Variants in HAAO observed in about 807,000 individuals in gnomAD.
The protein encoded by HAAO is 3-hydroxyanthranilate 3,4-dioxygenase.
In HAAO, 49 loss-of-function variants were observed where a neutral mutation model predicts 46.2. The ratio of observed to expected loss-of-function variants is 1.06; its 90% CI spans 0.84 to 1.34. HAAO has a LOEUF of 1.34. Among genes scored for constraint, HAAO ranks in the 40% most tolerant of loss-of-function variants. HAAO has a pLI of 0.00. For synonymous variants in HAAO, 157 were observed against 145.2 expected (o/e 1.08, Z -0.58); for missense variants, 408 against 364.5 (o/e 1.12, Z -0.97).
At chr2:42,792,049 T>A (rs1170610215) in intron 1 of HAAO, among the ~76,000 whole-genome samples, 1 of 152,076 alleles carries the variant, frequency 6.6e-6, no homozygotes, top group Non-Finnish European at 1.5e-5. Context: ...GGGACAGGGT[T>A]GGGGTGTATG....
intron 7 of HAAO, 80 bp from the exon 8 acceptor site, chr2:42,768,008 AG>A (rs1670801763): frequency 7.9e-7 from 1 of 1,268,886 alleles, no homozygotes; most frequent in African/African-American, 1.5e-5. Flanking sequence ...CCCAGACACC[AG>A]GCCTGCTTGG....
chr2:42,775,244 T>C (rs1237712324), intron 4 of HAAO, among the ~76,000 whole-genome samples: 2 of 85,890 alleles, frequency 2.3e-5, no homozygotes, highest in African/African-American at 6.3e-5. Context: ...AAGACTGTCA[T>C]GGAAAAAAAA....
Position 42,783,356 on chromosome 2 carries a change from A to G in HAAO, c.308T>C (p.Val103Ala), listed in dbSNP as rs772460775. ...GGTCTCCAGCCGCCTTCGCTCAACC[A>G]CCAGCCCCACGGTGTTGGCAAACCT... is the stretch of plus-strand genomic sequence containing the variant. ...PQRFANTVGL[V>A]VERRRLETEL... Residue 103 changes from valine to alanine, a missense_variant, in exon 4 of 10, where the codon GTG (valine) becomes GCG (alanine). Coordinates refer to ENST00000294973, the MANE Select transcript of HAAO (RefSeq NM_012205.3). 8 of 1,613,042 alleles carry G rather than the reference A, an allele frequency of 5.0e-6. No individual in the cohort carries two copies. In the African/African-American group the frequency reaches 5.3e-5, roughly 11 times the overall value.
At chr2:42,774,659 C>A (rs533257103) in intron 4 of HAAO, among the ~76,000 whole-genome samples, 1 of 152,100 alleles carries the variant, frequency 6.6e-6, no homozygotes, top group Non-Finnish European at 1.5e-5. Flanking sequence ...AGACCCATCC[C>A]TAGGTAAGTA....
In HAAO at chr2:42,783,212, G is replaced by A. The variant is rs551296452; in HGVS notation, c.350+102C>T. ...CTCCTGCCCACTCAGTGGCCAGGAC[G>A]TGCTTTCTTGAGTCTATCTAGGATC... On this transcript the variant is annotated intron_variant, in intron 4 of 9. Transcript: ENST00000294973. 1.3e-4 allele frequency: 90 copies of A among 694,548 alleles called. No homozygotes were observed. The East Asian group carries it at 1.8e-3, about 14-fold the overall frequency. The allele number at this position is 694,548 out of a possible 1,614,324, so 43.0% of individuals were successfully genotyped here. A position where few individuals can be genotyped will look rare whatever the true frequency, so the allele number is the denominator to read the frequency against.
At chr2:42,786,090 AG>A (rs1157863362) in intron 2 of HAAO, among the ~76,000 whole-genome samples, 1 of 141,032 alleles carries the variant, frequency 7.1e-6, no homozygotes, top group Non-Finnish European at 1.5e-5. Flanking sequence ...TTTCACAGTG[AG>A]GGAAGGGAGG....
chr2:42,786,765 C>T (rs892367595), intron 2 of HAAO, among the ~76,000 whole-genome samples: 1 of 152,118 alleles, frequency 6.6e-6, no homozygotes, highest in Admixed American at 6.5e-5. Context: ...AGTGGGGAGC[C>T]GGGCCAGGGA....
intron 3 of HAAO, 60 bp from the exon 4 acceptor site, chr2:42,783,480 C>A: frequency 9.3e-7 from 1 of 1,072,460 alleles, no homozygotes; most frequent in Non-Finnish European, 1.4e-6. Context: ...GACCTTAGCG[C>A]CCCCAACATC....
At chr2:42,787,522 C>T (rs1167806977) in intron 2 of HAAO, among the ~76,000 whole-genome samples, 1 of 152,134 alleles carries the variant, frequency 6.6e-6, no homozygotes, top group East Asian at 1.9e-4. Context: ...GTGCAGGGCC[C>T]CTGGAGCGTG....
intron 4 of HAAO, among the ~76,000 whole-genome samples, chr2:42,779,150 T>A (rs1268247041): frequency 1.3e-5 from 2 of 152,108 alleles, no homozygotes; most frequent in African/African-American, 4.8e-5. Context: ...TCTCTATAAA[T>A]TAGTCATTAA....
At position 42,792,541 on chromosome 2, in the gene HAAO, G is replaced by A. The variant is rs1672885319; in HGVS notation, c.-5C>T. 3.9e-6 allele frequency: 6 copies of A among 1,555,318 alleles called. No individual in the cohort carries two copies. The highest frequency in any genetic ancestry group is 1.2e-5 in the South Asian group (1 of 84,694). On this transcript the variant is annotated 5_prime_UTR_variant, in exon 1 of 10. Coordinates refer to ENST00000294973, the MANE Select transcript of HAAO (RefSeq NM_012205.3). Reference sequence around the variant, plus strand: ...CACTCCCAGGCGGCGCTCCATGACTGTCCCGGGCGCCTCCTCGCAGCGCTG... The same window carrying A: ...CACTCCCAGGCGGCGCTCCATGACTATCCCGGGCGCCTCCTCGCAGCGCTG...
At chr2:42,792,043 C>T (rs1672845319) in intron 1 of HAAO, among the ~76,000 whole-genome samples, 1 of 152,160 alleles carries the variant, frequency 6.6e-6, no homozygotes, top group Non-Finnish European at 1.5e-5. Context: ...GCTTCTGGGA[C>T]AGGGTTGGGG....
chr2:42,769,936 C>T, intron 6 of HAAO, 78 bp from the exon 7 acceptor site: 7 of 1,470,096 alleles, frequency 4.8e-6, no homozygotes, highest in Non-Finnish European at 6.4e-6. Context: ...TTCCCAGGGG[C>T]CCCAGGTCTC....
Position 42,770,485 on chromosome 2 carries a change from G to C in HAAO, c.440+8C>G, listed in dbSNP as rs1223973021. ...AAGCAAGAGGCAGGGGCTGGGCTGG[G>C]GGCTCACTCCTGGATGATGGGGGCC... On this transcript the variant is annotated splice_region_variant and intron_variant, in intron 5 of 9. Transcript: ENST00000294973. 1 of 1,537,730 alleles carries C rather than the reference G, an allele frequency of 6.5e-7. No individual in the cohort carries two copies. Among genetic ancestry groups the C allele is most frequent in the Admixed American group, 2.0e-5 (1 of 50,390 alleles).
chr2:42,777,420 C>G (rs764569914), intron 4 of HAAO, among the ~76,000 whole-genome samples: 5 of 151,138 alleles, frequency 3.3e-5, no homozygotes, highest in East Asian at 3.9e-4. Context: ...ATGCCTAAGA[C>G]GTCTATCTAT....
intron 4 of HAAO, among the ~76,000 whole-genome samples, chr2:42,771,444 T>TAA (rs112130512): frequency 5.6e-5 from 7 of 124,734 alleles, no homozygotes; most frequent in African/African-American, 1.4e-4. Context: ...AATAAATAAG[T>TAA]AAAAAAAAAA....
At chr2:42,768,401 G>A (rs1670832795) in intron 7 of HAAO, among the ~76,000 whole-genome samples, 1 of 152,188 alleles carries the variant, frequency 6.6e-6, no homozygotes, top group African/African-American at 2.4e-5. Context: ...CTGATGCCCT[G>A]GAGAGGGTGC....
At chr2:42,789,924 C>A (rs1672662253) in intron 1 of HAAO, among the ~76,000 whole-genome samples, 1 of 152,186 alleles carries the variant, frequency 6.6e-6, no homozygotes, top group South Asian at 2.1e-4. Flanking sequence ...TCAGGGTGTT[C>A]TCAGGTGGCC....
chr2:42,768,508 C>A (rs568299894), intron 7 of HAAO, among the ~76,000 whole-genome samples: 1 of 152,128 alleles, frequency 6.6e-6, no homozygotes, highest in Non-Finnish European at 1.5e-5. Flanking sequence ...CGCATGTTCT[C>A]GCAGCCCTGT....
Sources: allele counts gnomAD v4.1 joint callset (sites outside exome capture counted in the v4.1 genomes callset), GRCh38; gene constraint gnomAD v4.1.1; transcripts MANE v1.5; gene names NCBI Gene and HGNC (gene_info 2026-07-23, HGNC 2026-07-21).